POC1B: variants seen among roughly 807,000 people sequenced by gnomAD.
POC1B encodes POC1 centriolar protein homolog B.
POC1B carries 44 observed loss-of-function variants against 60.6 expected under a neutral mutation model. The observed-to-expected ratio is 0.73, with a 90% CI of 0.57 to 0.93. POC1B has a LOEUF of 0.93. POC1B is among the 40% of genes least tolerant of loss of function. POC1B has a pLI of 0.00. For synonymous variants in POC1B, 180 were observed against 198.9 expected (o/e 0.90, Z 0.80); for missense variants, 555 against 572.3 (o/e 0.97, Z 0.31).
At chr12:89,473,957 C>A (rs1883008043) in intron 4 of POC1B, among the ~76,000 whole-genome samples, 1 of 152,026 alleles carries the variant, frequency 6.6e-6, no homozygotes, top group South Asian at 2.1e-4. Context: ...GTAATCCCAG[C>A]AGTTTGGGAG....
chr12:89,480,745 C>T (rs376713400), intron 4 of POC1B, among the ~76,000 whole-genome samples: 18 of 151,958 alleles, frequency 1.2e-4, no homozygotes, highest in African/African-American at 3.1e-4. Context: ...GGACTACAGG[C>T]GCCCGCCACC....
intron 4 of POC1B, among the ~76,000 whole-genome samples, chr12:89,475,910 C>CTTTTTTTTTT (rs972058107): frequency 2.3e-5 from 2 of 86,138 alleles, no homozygotes; most frequent in Admixed American, 1.5e-4. Context: ...TGAGGGAATT[C>CTTTTTTTTTT]TTTTTTTTTT....
chr12:89,483,721 A>G (rs571079561), intron 4 of POC1B, among the ~76,000 whole-genome samples: 4 of 152,336 alleles, frequency 2.6e-5, no homozygotes, highest in African/African-American at 9.6e-5. Context: ...CTAGAATTCT[A>G]CATCTCAGCA....
the POC1B span, among the ~76,000 whole-genome samples, chr12:89,409,769 C>G: frequency 1.3e-5 from 2 of 152,128 alleles, no homozygotes; most frequent in Non-Finnish European, 2.9e-5. Context: ...AAGTCGAATA[C>G]CTGAATGGAC....
chr12:89,503,887 C>T (rs1392030146), intron 2 of POC1B, among the ~76,000 whole-genome samples: 4 of 150,776 alleles, frequency 2.7e-5, no homozygotes, highest in African/African-American at 7.3e-5. Flanking sequence ...GCCTGGCAGC[C>T]GCCCTGTCTG....
intron 4 of POC1B, among the ~76,000 whole-genome samples, chr12:89,478,827 C>T (rs1301188831): frequency 6.6e-6 from 1 of 152,126 alleles, no homozygotes; most frequent in East Asian, 1.9e-4. Context: ...CAGATATTTA[C>T]TCCCAAAAAA....
chr12:89,518,390 T>C (rs1248244858), intron 2 of POC1B, among the ~76,000 whole-genome samples: 2 of 152,228 alleles, frequency 1.3e-5, no homozygotes, highest in Non-Finnish European at 2.9e-5. Flanking sequence ...TACTAAATAC[T>C]ACTAGCCTGT....
chr12:89,476,580 T>G (rs1400594079), intron 4 of POC1B, among the ~76,000 whole-genome samples: 2 of 152,074 alleles, frequency 1.3e-5, no homozygotes, highest in African/African-American at 4.8e-5. Context: ...TGGTGGTGCA[T>G]GCCTGTAATC....
intron 2 of POC1B, 95 bp downstream of exon 2, chr12:89,525,025 G>A (rs910227386): frequency 5.2e-6 from 8 of 1,549,604 alleles, no homozygotes; most frequent in Middle Eastern, 1.7e-4. Context: ...CAGGCCCTTA[G>A]CCGTTCTCCT....
chr12:89,441,230 C>T (rs1248501246), intron 10 of POC1B, among the ~76,000 whole-genome samples: 1 of 152,244 alleles, frequency 6.6e-6, no homozygotes, highest in Non-Finnish European at 1.5e-5. Flanking sequence ...CTTCTGCAGA[C>T]TTAAACGTCC....
intron 2 of POC1B, chr12:89,523,295 A>T: frequency 1.9e-6 from 3 of 1,614,052 alleles, no homozygotes; most frequent in Non-Finnish European, 2.5e-6. Flanking sequence ...TTGCATCTCA[A>T]CCGCTCTCGT....
chr12:89,513,715 G>A (rs182081989), intron 2 of POC1B, among the ~76,000 whole-genome samples: 13 of 152,298 alleles, frequency 8.5e-5, no homozygotes, highest in Admixed American at 5.2e-4. Context: ...GGCCTATTAG[G>A]AACTGGGCTG....
At chr12:89,464,338 T>C (rs1383687739) in intron 9 of POC1B, among the ~76,000 whole-genome samples, 1 of 152,186 alleles carries the variant, frequency 6.6e-6, no homozygotes, top group East Asian at 1.9e-4. Flanking sequence ...TTGAACTAAG[T>C]AGTCTTTGGC....
rs1269418159 is a variant in POC1B, at chr12:89,525,200, TC to T, written c.19del (p.Asp7ThrfsTer57). Reference protein sequence around the residue: MASATEDPVLERYFKGH... With the variant: MASATEXPVLERYFKGH... ...TTTGAAATAACGCTCCAGAACGGGG[TC>T]CTCCTGGAAAGGAAAGTTGTCAAGT... On this transcript the variant is annotated frameshift_variant, in exon 2 of 12. Transcript: ENST00000313546. LOFTEE classifies it high-confidence loss of function. The T allele has an allele frequency of 6.2e-7, 1 of 1,607,838 alleles. No homozygotes were observed. The highest frequency in any genetic ancestry group is 2.3e-5 in the East Asian group (1 of 44,024).
intron 2 of POC1B, chr12:89,519,556 C>T (rs1395407847): frequency 6.6e-6 from 1 of 152,518 alleles, no homozygotes; most frequent in Admixed American, 6.6e-5. Context: ...GTTCTTTGTG[C>T]TCATTTTAAA....
At chr12:89,453,048 T>A (rs7299091) in intron 10 of POC1B, among the ~76,000 whole-genome samples, 110,833 of 152,112 alleles carry the variant, frequency 0.73, 40,509 homozygotes, top group Middle Eastern at 0.81. Flanking sequence ...GAAAAAATAT[T>A]AATGTGTTTT....
chr12:89,517,200 T>C (rs1447455908), intron 2 of POC1B, among the ~76,000 whole-genome samples: 1 of 152,228 alleles, frequency 6.6e-6, no homozygotes, highest in Non-Finnish European at 1.5e-5. Flanking sequence ...TCACCCATGA[T>C]CTTTGCCTAT....
chr12:89,464,798 T>G (rs1316863578), intron 9 of POC1B, among the ~76,000 whole-genome samples: 1 of 135,304 alleles, frequency 7.4e-6, no homozygotes, highest in Non-Finnish European at 1.6e-5. Context: ...AGAGATTTTT[T>G]CAGGAAAAAA....
intron 2 of POC1B, chr12:89,523,532 C>T: frequency 3.1e-6 from 5 of 1,604,694 alleles, no homozygotes; most frequent in Non-Finnish European, 4.3e-6. Context: ...AAAGACAGCT[C>T]AAGGTTTTCA....
Sources: gnomAD v4.1 joint callset for allele counts (sites outside exome capture counted in the v4.1 genomes callset) on GRCh38, gnomAD v4.1.1 for gene constraint, MANE v1.5 for transcripts, NCBI Gene and HGNC (gene_info 2026-07-23, HGNC 2026-07-21) for gene names.